The following HGS variants were observed in gnomAD, a reference collection of about 807,000 sequenced individuals.
HGS encodes hepatocyte growth factor-regulated tyrosine kinase substrate, also known as human growth factor-regulated tyrosine kinase substrate.
HGS carries 63 observed loss-of-function variants against 109.7 expected under a neutral mutation model. The ratio of observed to expected loss-of-function variants is 0.57; its 90% CI spans 0.47 to 0.71. The LOEUF is 0.71. Among genes scored for constraint, HGS ranks in the 30% least tolerant of loss-of-function variants. The pLI, the probability that HGS is intolerant of heterozygous loss-of-function variation, is 0.00. For synonymous variants in HGS, 546 were observed against 437.3 expected, an observed-to-expected ratio of 1.25 and a Z score of -3.10; for missense variants, 995 against 1,068.3, an observed-to-expected ratio of 0.93 and a Z score of 0.96.
rs2037060821 is a variant in HGS, at chr17:81,691,301, G to A, written c.538-146G>A. 2.1e-6 allele frequency: 2 copies of A among 968,686 alleles called. No individual in the cohort carries two copies. Among genetic ancestry groups the A allele is most frequent in the South Asian group, 1.5e-5 (1 of 68,182 alleles). The allele number at this position is 968,686 out of a possible 1,614,324, so 60.0% of individuals were successfully genotyped here. A position where few individuals can be genotyped will look rare whatever the true frequency, so the allele number is the denominator to read the frequency against. ...CATGTCCAGGTTCCCCGGCCTTAGGGTCTTCCCAGGCACTTGTTCTGCTTG... is the reference window on the plus strand; with the variant it reads ...CATGTCCAGGTTCCCCGGCCTTAGGATCTTCCCAGGCACTTGTTCTGCTTG... On this transcript the variant is annotated intron_variant, in intron 7 of 21. Coordinates refer to ENST00000329138, the MANE Select transcript of HGS (RefSeq NM_004712.5). The surrounding 1 kb of genome is among the most constrained non-coding windows in gnomAD (Gnocchi z 5.3).
At chr17:81,685,972 C>G (rs990325128) in intron 2 of HGS, among the ~76,000 whole-genome samples, 3 of 152,118 alleles carry the variant, frequency 2.0e-5, no homozygotes, top group Admixed American at 1.3e-4. Context: ...GCTTTGTCAC[C>G]CAGGCTGAAG....
chr17:81,685,883 C>G (rs939008784), intron 2 of HGS, among the ~76,000 whole-genome samples, 194 bp downstream of exon 2: 2 of 152,298 alleles, frequency 1.3e-5, no homozygotes, highest in Admixed American at 6.5e-5. Flanking sequence ...CTTGCAGATA[C>G]CTGGTTATGT....
intron 5 of HGS, 101 bp from the exon 6 acceptor site, chr17:81,690,081 C>T (rs1396340686): frequency 3.2e-5 from 42 of 1,293,762 alleles, no homozygotes; most frequent in South Asian, 4.1e-5. Flanking sequence ...CTTGGGTGCA[C>T]GGTCACTGCT....
At chr17:81,688,372 G>A (rs752751237) in intron 4 of HGS, among the ~76,000 whole-genome samples, 4 of 152,230 alleles carry the variant, frequency 2.6e-5, no homozygotes, top group East Asian at 1.9e-4. Flanking sequence ...CGCTGCCACC[G>A]TCAGGCCTGC....
rs1199866294 is a variant in HGS, at chr17:81,701,139, A to G, written c.2223+8A>G. ...CAGCCCATGTACCAGCAGGTGAGCCATTCCCGGGGCCTCACAGCGGCACCC... is the reference window on the plus strand; with the variant it reads ...CAGCCCATGTACCAGCAGGTGAGCCGTTCCCGGGGCCTCACAGCGGCACCC... On this transcript the variant is annotated splice_region_variant and intron_variant, in intron 21 of 21. Coordinates refer to ENST00000329138, the MANE Select transcript of HGS (RefSeq NM_004712.5). 8 of 1,612,604 alleles carry G rather than the reference A, an allele frequency of 5.0e-6. No individual in the cohort carries two copies. Among genetic ancestry groups the G allele is most frequent in the Non-Finnish European group, 5.9e-6 (7 of 1,178,990 alleles).
rs1598748426 is a variant in HGS, at chr17:81,695,160, C to G, written c.1120-4C>G. On this transcript the variant is annotated splice_polypyrimidine_tract_variant and splice_region_variant and intron_variant, in intron 13 of 21. Coordinates refer to ENST00000329138, the MANE Select transcript of HGS (RefSeq NM_004712.5). The stretch of plus-strand genomic sequence containing the variant: ...GGAGGCCCCACTCATTCTCTCTCTT[C>G]CAGAACCCCCTCCCGGAGACAGACT... 1 of 1,614,100 alleles carries G rather than the reference C, an allele frequency of 6.2e-7. No homozygotes were observed. The highest frequency in any genetic ancestry group is 8.5e-7 in the Non-Finnish European group (1 of 1,179,966).
At chr17:81,685,038 T>C (rs2144479784) in intron 1 of HGS, 1 of 985,414 alleles carries the variant, frequency 1.0e-6, no homozygotes, top group Admixed American at 6.1e-5. Flanking sequence ...GGGCCAGTTG[T>C]TGGAGACAGC....
chr17:81,686,320 A>G lies in HGS; in HGVS notation c.131A>G (p.Tyr44Cys). The change falls in exon 3 of 22, where the codon TAT (tyrosine) becomes TGT (cysteine). Residue 44 changes from tyrosine to cysteine, a missense_variant. Tyr to Cys is a radical substitution (Grantham distance 194, BLOSUM62 -2). Transcript: ENST00000329138. ...LIRQGDTQAK[Y>C]AVNSIKKKVN... ...CAATGTTTCCTTTTCAGAGCAAAAT[A>G]TGCTGTGAATTCCATCAAGAAGAAA... 6.2e-7 allele frequency: 1 copy of G among 1,613,234 alleles called. No homozygotes were observed. The highest frequency in any genetic ancestry group is 8.5e-7 in the Non-Finnish European group (1 of 1,179,590).
At chr17:81,687,241 C>T (rs1047861321) in intron 4 of HGS, 146 bp downstream of exon 4, 57 of 646,332 alleles carry the variant, frequency 8.8e-5, no homozygotes, top group Non-Finnish European at 1.0e-4. Flanking sequence ...TGCGCAAGCT[C>T]GCACTCATGA....
chr17:81,692,409 C>T (rs114154928), intron 8 of HGS: 1 of 152,230 alleles, frequency 6.6e-6, no homozygotes, highest in Non-Finnish European at 1.5e-5. Context: ...GGAGTGAGGC[C>T]ATGCCCTCCT....
rs1366198657 is a variant in HGS at position 81,694,372 on chromosome 17, G to A, written c.936+407G>A. Among the ~76,000 whole-genome samples, 7 of 152,248 alleles carry A rather than the reference G, an allele frequency of 4.6e-5. 1 individual carries two copies. The highest frequency in any genetic ancestry group is 1.7e-4 in the African/African-American group (7 of 41,460). On this transcript the variant is annotated intron_variant, in intron 11 of 21. Coordinates refer to ENST00000329138, the MANE Select transcript of HGS (RefSeq NM_004712.5). ...GCAGGGGGTTGGGTCGGGGACAGCA[G>A]GTTGAGAAAGTCATTTTGTAGGTTC...
intron 4 of HGS, among the ~76,000 whole-genome samples, chr17:81,687,545 G>A (rs970085895): frequency 1.3e-5 from 2 of 152,236 alleles, no homozygotes; most frequent in African/African-American, 4.8e-5. Context: ...TGTAAGATCG[G>A]ATGTGTCTGG....
In HGS at chr17:81,697,269, C is replaced by T. The variant is rs2037166238; in HGVS notation, c.1882+271C>T. 3 of 400,640 alleles carry T rather than the reference C, an allele frequency of 7.5e-6. No individual in the cohort carries two copies. In the East Asian group the frequency reaches 1.2e-4, roughly 17 times the overall value. The allele number at this position is 400,640 out of a possible 1,614,324, so 24.8% of individuals were successfully genotyped here. On this transcript the variant is annotated intron_variant, in intron 18 of 21. Transcript: ENST00000329138. ...ACCAGCAGGTGCTGGGCTGCCGATCCTCGTCTGTAGCAGGCTCAGCCCTCA... is the reference window on the plus strand; with the variant it reads ...ACCAGCAGGTGCTGGGCTGCCGATCTTCGTCTGTAGCAGGCTCAGCCCTCA...
At position 81,691,292 on chromosome 17, in the gene HGS, G is replaced by C. The variant is rs768698481; in HGVS notation, c.538-155G>C. The C allele has an allele frequency of 2.0e-5, 17 of 867,986 alleles. No homozygotes were observed. Among genetic ancestry groups the C allele is most frequent in the Non-Finnish European group, 2.5e-5 (14 of 555,588 alleles). 53.8% of individuals were successfully genotyped at this position (867,986 alleles called of 1,614,324 possible). On this transcript the variant is annotated intron_variant, in intron 7 of 21. Transcript: ENST00000329138. This position sits in a 1 kb window ranked among gnomAD's most constrained non-coding sequence, Gnocchi z 5.3. ...TCCCGGGAGCATGTCCAGGTTCCCC[G>C]GCCTTAGGGTCTTCCCAGGCACTTG...
chr17:81,684,053 G>A lies in HGS; in HGVS notation c.-14G>A. ...GGGAGCGCCCGCGGCGTCGGGTTTG[G>A]GCTGGAGGTCGCCATGGGGCGAGGC... On this transcript the variant is annotated 5_prime_UTR_variant, in exon 1 of 22. Transcript: ENST00000329138. 2 of 1,593,110 alleles carry A rather than the reference G, an allele frequency of 1.3e-6. No homozygotes were observed. The highest frequency in any genetic ancestry group is 1.1e-5 in the South Asian group (1 of 88,688).
At chr17:81,689,395 GT>G (rs1454193786) in intron 5 of HGS, among the ~76,000 whole-genome samples, 3 of 152,256 alleles carry the variant, frequency 2.0e-5, no homozygotes, top group Non-Finnish European at 4.4e-5. Context: ...CTGCCAAGGT[GT>G]GTTTCTTAAG....
At chr17:81,700,870 C>A in intron 20 of HGS, 56 bp downstream of exon 20, 1 of 1,586,298 alleles carries the variant, frequency 6.3e-7, no homozygotes, top group Non-Finnish European at 8.6e-7. Flanking sequence ...GTTGATGATG[C>A]TGAGGGTCCT....
Position 81,687,099 on chromosome 17 carries a change from G to A in HGS, c.291+4G>A, listed in dbSNP as rs899750716. ...GGAGCTGAAGGACCTGCTGAAGGTG[G>A]GTGAGACGGGGGCATGCGGGTGGCC... On this transcript the variant is annotated splice_donor_region_variant and intron_variant, in intron 4 of 21. Coordinates refer to ENST00000329138, the MANE Select transcript of HGS (RefSeq NM_004712.5). The A allele has an allele frequency of 6.2e-7, 1 of 1,609,776 alleles. No homozygotes were observed. The highest frequency in any genetic ancestry group is 1.1e-5 in the South Asian group (1 of 90,488).
chr17:81,690,572 G>A (rs947701431), intron 6 of HGS, 102 bp from the exon 7 acceptor site: 4 of 1,174,152 alleles, frequency 3.4e-6, no homozygotes, highest in Non-Finnish European at 4.8e-6. Flanking sequence ...TCGTGCTGGG[G>A]TCCTCTCTGG....
Sources: allele counts gnomAD v4.1 joint callset (sites outside exome capture counted in the v4.1 genomes callset), GRCh38; gene constraint gnomAD v4.1.1; non-coding constraint Gnocchi (gnomAD v3.1); transcripts MANE v1.5; gene names NCBI Gene and HGNC (gene_info 2026-07-23, HGNC 2026-07-21).